The following ANKRD12 variants were observed in gnomAD, a reference collection of about 807,000 sequenced individuals.
The protein encoded by ANKRD12 is ankyrin repeat domain 12.
In ANKRD12, 85 loss-of-function variants were observed where a neutral mutation model predicts 183.4. The ratio of observed to expected loss-of-function variants is 0.46; its 90% CI spans 0.39 to 0.56. The LOEUF is 0.56. Ranked by LOEUF, ANKRD12 falls within the 20% of genes least tolerant of loss-of-function variation. The probability of loss-of-function intolerance (pLI) is 0.00; values close to 1 mark genes in which losing one functional copy is unlikely to be tolerated. For synonymous variants in ANKRD12, 914 were observed against 800.2 expected (o/e 1.14, Z -2.40); for missense variants, 2,405 against 2,357.1 (o/e 1.02, Z -0.42).
intron 8 of ANKRD12, among the ~76,000 whole-genome samples, chr18:9,228,293 T>C (rs1316525355): frequency 6.6e-6 from 1 of 152,228 alleles, no homozygotes; most frequent in East Asian, 1.9e-4. Context: ...AACTTGTAAG[T>C]GCAGGTATCC....
chr18:9,255,358 A>G lies in ANKRD12; in HGVS notation c.2091A>G (p.Lys697=), dbSNP rs369413290. The change falls in exon 9 of 13, where the codon AAA becomes AAG. Residue 697 remains lysine, a synonymous_variant. Transcript: ENST00000262126. ...RSVEFDREFW[K]ENFFKSDETE... is the part of the protein sequence containing the mutation. ...TGGAATTTGATAGAGAATTTTGGAA[A>G]GAGAATTTTTTTAAAAGTGATGAAA... 6.2e-7 allele frequency: 1 copy of G among 1,608,644 alleles called. No homozygotes were observed. The highest frequency in any genetic ancestry group is 8.5e-7 in the Non-Finnish European group (1 of 1,178,426).
chr18:9,241,653 A>G (rs555512367), intron 8 of ANKRD12, among the ~76,000 whole-genome samples: 54 of 152,332 alleles, frequency 3.5e-4, no homozygotes, highest in Non-Finnish European at 5.4e-4. Flanking sequence ...ATGGTAGGCA[A>G]TGAGGTATTC....
intron 8 of ANKRD12, among the ~76,000 whole-genome samples, chr18:9,226,779 T>G (rs1336360186): frequency 6.6e-6 from 1 of 152,158 alleles, no homozygotes; most frequent in Admixed American, 6.5e-5. Flanking sequence ...CATCACTTTT[T>G]TAGTATTACA....
At chr18:9,200,629 G>T (rs1269103554) in intron 3 of ANKRD12, 1 of 152,198 alleles carries the variant, frequency 6.6e-6, no homozygotes, top group East Asian at 1.9e-4. Flanking sequence ...CACTGGCCCA[G>T]TAATTAGACT....
intron 8 of ANKRD12, among the ~76,000 whole-genome samples, chr18:9,228,911 C>CT (rs35586900): frequency 0.017 from 2,450 of 148,182 alleles, 33 homozygotes; most frequent in African/African-American, 0.039. Context: ...TTTCCATGTG[C>CT]TTTTTTTTTT....
chr18:9,228,402 T>C lies in ANKRD12; in HGVS notation c.943+6403T>C, dbSNP rs4467144. Among the ~76,000 whole-genome samples the C allele has an allele frequency of 2.8e-3, 431 of 152,282 alleles. 2 individuals carry two copies. The highest frequency in any genetic ancestry group is 0.017 in the Middle Eastern group (5 of 294). On this transcript the variant is annotated intron_variant, in intron 8 of 12. Transcript: ENST00000262126. ...ATTTTCTGAGAAATCTCCAAACTTT[T>C]CCATAGCAGTTGTACTAATTTACAT...
intron 11 of ANKRD12, among the ~76,000 whole-genome samples, chr18:9,278,797 A>C (rs2039974133): frequency 6.6e-6 from 1 of 151,878 alleles, no homozygotes; most frequent in South Asian, 2.1e-4. Context: ...AAAAAAAAAG[A>C]AAATGTGAGT....
chr18:9,209,311 A>T (rs1377403742), intron 5 of ANKRD12, among the ~76,000 whole-genome samples: 2 of 152,214 alleles, frequency 1.3e-5, no homozygotes, highest in African/African-American at 4.8e-5. Flanking sequence ...ATTACTATTC[A>T]CATCCTGGCA....
At position 9,147,054 on chromosome 18, in the gene ANKRD12, TC is replaced by T. The variant is rs1598387932; in HGVS notation, c.-52+10090del. On this transcript the variant is annotated intron_variant, in intron 1 of 12. Transcript: ENST00000262126. ...ACTTTATTTATTACTTGGATTGCTG[TC>T]TTGTAGGGACACAACTTGCAGCTCT... is the stretch of plus-strand genomic sequence containing the variant. Among the ~76,000 whole-genome samples the T allele has an allele frequency of 2.0e-5, 3 of 152,214 alleles. No individual in the cohort carries two copies. The East Asian group carries it at 5.8e-4, about 29-fold the overall frequency.
chr18:9,179,151 A>G (rs7226632), intron 1 of ANKRD12, among the ~76,000 whole-genome samples: 16,838 of 152,214 alleles, frequency 0.11, 1,097 homozygotes, highest in African/African-American at 0.16. Flanking sequence ...ATACACATGT[A>G]TTAGTTCTAA....
intron 1 of ANKRD12, among the ~76,000 whole-genome samples, chr18:9,153,881 A>T (rs1264257964): frequency 6.6e-6 from 1 of 151,848 alleles, no homozygotes; most frequent in African/African-American, 2.4e-5. Context: ...TCTATTATAT[A>T]CCTAATCTGA....
intron 8 of ANKRD12, chr18:9,239,488 T>C (rs953833892): frequency 7.8e-6 from 10 of 1,281,866 alleles, no homozygotes; most frequent in Middle Eastern, 4.2e-4. Flanking sequence ...ATATTTATTT[T>C]CCACATGGTG....
intron 4 of ANKRD12, among the ~76,000 whole-genome samples, chr18:9,205,990 A>G (rs919716050): frequency 6.6e-5 from 10 of 152,104 alleles, no homozygotes; most frequent in Non-Finnish European, 7.4e-5. Flanking sequence ...TGAGCTTTCT[A>G]TTTATTCTGG....
intron 1 of ANKRD12, among the ~76,000 whole-genome samples, chr18:9,157,426 T>C (rs148373299): frequency 2.6e-5 from 4 of 152,026 alleles, no homozygotes; most frequent in Admixed American, 2.0e-4. Context: ...AAGTACTGTT[T>C]CTAGTGAGTA....
intron 1 of ANKRD12, among the ~76,000 whole-genome samples, chr18:9,171,001 C>T (rs902307363): frequency 3.9e-5 from 6 of 152,110 alleles, no homozygotes; most frequent in South Asian, 2.1e-4. Flanking sequence ...GTTTCAGTAG[C>T]AGTGGCTGCA....
intron 2 of ANKRD12, among the ~76,000 whole-genome samples, chr18:9,192,044 G>T (rs1254883348): frequency 6.6e-6 from 1 of 152,156 alleles, no homozygotes; most frequent in East Asian, 1.9e-4. Flanking sequence ...GTACTTCCCT[G>T]TGTGGTCTGG....
rs371135822 is a variant in ANKRD12 at position 9,172,587 on chromosome 18, T to C, written c.-51-9795T>C. Among the ~76,000 whole-genome samples, 41 of 152,346 alleles carry C rather than the reference T, an allele frequency of 2.7e-4. No homozygotes were observed. In the South Asian group the frequency reaches 7.9e-3, roughly 29 times the overall value. Reference sequence around the variant, plus strand: ...AGCTCCATCAGGTCAGTTATGCTCCTCTCTAAACTGGCTATACTGCTTAGA... The same window carrying C: ...AGCTCCATCAGGTCAGTTATGCTCCCCTCTAAACTGGCTATACTGCTTAGA... On this transcript the variant is annotated intron_variant, in intron 1 of 12. Transcript: ENST00000262126.
intron 8 of ANKRD12, chr18:9,250,263 T>G (rs1213474938): frequency 6.6e-6 from 1 of 152,246 alleles, no homozygotes; most frequent in Non-Finnish European, 1.5e-5. Flanking sequence ...GAGAGTTCTT[T>G]ATCATTGTTG....
At chr18:9,217,226 A>G (rs1263230143) in intron 7 of ANKRD12, among the ~76,000 whole-genome samples, 1 of 152,196 alleles carries the variant, frequency 6.6e-6, no homozygotes, top group Non-Finnish European at 1.5e-5. Flanking sequence ...TGAATTGCCT[A>G]TCTTTTGAAG....
Sources: gnomAD v4.1 joint callset for allele counts (sites outside exome capture counted in the v4.1 genomes callset) on GRCh38, gnomAD v4.1.1 for gene constraint, MANE v1.5 for transcripts, NCBI Gene and HGNC (gene_info 2026-07-23, HGNC 2026-07-21) for gene names.